The following GVQW3 variants were observed in gnomAD, a reference collection of about 807,000 sequenced individuals.
The protein encoded by GVQW3 is protein GVQW3.
A neutral mutation model predicts 12.5 loss-of-function variants in GVQW3; 7 were observed. That is an observed-to-expected ratio of 0.56 (90% confidence interval 0.32 to 1.05). The LOEUF is 1.05. GVQW3 is among the 50% of genes least tolerant of loss of function. The pLI, the probability that GVQW3 is intolerant of heterozygous loss-of-function variation, is 0.04. For missense variants in GVQW3, 188 were observed against 190.8 expected (o/e 0.99, Z 0.09); for synonymous variants, 71 against 67.2 (o/e 1.06, Z -0.28).
intron 1 of GVQW3, among the ~76,000 whole-genome samples, chr11:76,385,102 T>G (rs1322699062): frequency 6.6e-6 from 1 of 151,958 alleles, no homozygotes; most frequent in Non-Finnish European, 1.5e-5. Flanking sequence ...CATGGTGGAG[T>G]GTAGAGTACC....
rs761524235 is a variant in GVQW3 at position 76,399,108 on chromosome 11, G to GTATTT, written c.466-4536_466-4532dup. Among the ~76,000 whole-genome samples the GTATTT allele has an allele frequency of 8.4e-3, 1,280 of 152,108 alleles. 26 individuals are homozygous for GTATTT. The highest frequency in any genetic ancestry group is 0.029 in the African/African-American group (1,213 of 41,440). On this transcript the variant is annotated intron_variant, in intron 1 of 1. Transcript: ENST00000529331. The stretch of plus-strand genomic sequence containing the variant: ...ACTAGTCATGTAATTGTATTGTATT[G>GTATTT]TATTTTATTTTATTTTATTTCATTT...
chr11:76,408,853 G>A (rs773798146), downstream of GVQW3, among the ~76,000 whole-genome samples: 1 of 152,118 alleles, frequency 6.6e-6, no homozygotes, highest in Non-Finnish European at 1.5e-5. Context: ...GATCAGGAAG[G>A]GTGACAAGAG....
At chr11:76,391,486 G>T (rs777775382) in intron 1 of GVQW3, among the ~76,000 whole-genome samples, 10 of 152,224 alleles carry the variant, frequency 6.6e-5, no homozygotes, top group African/African-American at 7.2e-5. Flanking sequence ...GGAGACCAGG[G>T]CATTGACAGA....
At position 76,405,973 on chromosome 11, in the gene GVQW3, T is replaced by C. The variant is rs947252411; in HGVS notation, c.*2215T>C. The stretch of plus-strand genomic sequence containing the variant: ...CACCATGCCTGGCCTGGAGATCAGT[T>C]CTTTTTTACTTTTTTTTGAGACAGG... On this transcript the variant is annotated 3_prime_UTR_variant, in exon 2 of 2. Coordinates refer to ENST00000529331, the MANE Select transcript of GVQW3 (RefSeq NM_001347885.2). 6 of 152,040 alleles carry C rather than the reference T, an allele frequency of 3.9e-5. No individual in the cohort carries two copies. The highest frequency in any genetic ancestry group is 7.3e-5 in the Non-Finnish European group (5 of 68,064). 9.4% of individuals were successfully genotyped at this position (152,040 alleles called of 1,614,324 possible). A position where few individuals can be genotyped will look rare whatever the true frequency, so the allele number is the denominator to read the frequency against.
In GVQW3 at chr11:76,407,344, C is replaced by A. The variant is rs988944240; in HGVS notation, c.*3586C>A. On this transcript the variant is annotated 3_prime_UTR_variant, in exon 2 of 2. Transcript: ENST00000529331. ...CCTGTAATCCCAATACTTTGGGAGGCCGAGGTGGGCAGATCACAAGTCAGG... is the reference window on the plus strand; with the variant it reads ...CCTGTAATCCCAATACTTTGGGAGGACGAGGTGGGCAGATCACAAGTCAGG... 8.6e-5 allele frequency: 13 copies of A among 152,026 alleles called. No homozygotes were observed. Among genetic ancestry groups the A allele is most frequent in the African/African-American group, 3.1e-4 (13 of 41,402 alleles). The allele number at this position is 152,026 out of a possible 1,614,324, so 9.4% of individuals were successfully genotyped here.
intron 1 of GVQW3, among the ~76,000 whole-genome samples, chr11:76,386,139 G>T (rs1329655051): frequency 1.3e-5 from 2 of 152,188 alleles, no homozygotes; most frequent in Non-Finnish European, 2.9e-5. Context: ...AGTCCACATG[G>T]AATGTTTTAT....
chr11:76,402,552 CA>C lies in GVQW3; in HGVS notation c.466-1094del, dbSNP rs201157273. Among the ~76,000 whole-genome samples, 496 of 127,718 alleles carry C rather than the reference CA, an allele frequency of 3.9e-3. 1 individual carries two copies. Among genetic ancestry groups the C allele is most frequent in the East Asian group, 0.015 (64 of 4,402 alleles). The allele number at this position is 127,718 out of a possible 152,430, so 83.8% of individuals were successfully genotyped here. A position where few individuals can be genotyped will look rare whatever the true frequency, so the allele number is the denominator to read the frequency against. On this transcript the variant is annotated intron_variant, in intron 1 of 1. Coordinates refer to ENST00000529331, the MANE Select transcript of GVQW3 (RefSeq NM_001347885.2). ...TGGATGACAGAGCGAGACTCTGTCT[CA>C]AAAAAAAAAAAAAGATTTGCATTAT...
intron 1 of GVQW3, chr11:76,382,754 T>C: frequency 3.6e-6 from 1 of 280,246 alleles, no homozygotes. Flanking sequence ...TCCTTTGTTC[T>C]CAACCTTCTG....
chr11:76,381,363 T>C lies in GVQW3; in HGVS notation c.-466T>C, dbSNP rs3814712. On this transcript the variant is annotated 5_prime_UTR_variant, in exon 1 of 2. Coordinates refer to ENST00000529331, the MANE Select transcript of GVQW3 (RefSeq NM_001347885.2). ...CCGGGACGCTAGAGCAGGCGGTTCC[T>C]GGGCTGCTCCGGTAGGTTTGGCGTG... The C allele has an allele frequency of 0.072, 11,168 of 154,952 alleles. 652 individuals carry two copies. Among genetic ancestry groups the C allele is most frequent in the African/African-American group, 0.15 (6,401 of 41,628 alleles). The allele number at this position is 154,952 out of a possible 1,614,324, so 9.6% of individuals were successfully genotyped here.
chr11:76,411,235 C>T (rs1165146791), downstream of GVQW3: 1 of 152,388 alleles, frequency 6.6e-6, no homozygotes, highest in African/African-American at 2.4e-5. Context: ...CTGGAGGAGG[C>T]TCAGTTTCCA....
rs1390269184 is a variant in GVQW3, at chr11:76,405,592, A to C, written c.*1834A>C. On this transcript the variant is annotated 3_prime_UTR_variant, in exon 2 of 2. Transcript: ENST00000529331. ...TCTTTCCATTGCCATGCTATGTTCC[A>C]CCCTCCCCTTCAACTGCCCCTCTAA... The C allele has an allele frequency of 6.6e-6, 1 of 152,024 alleles. No individual in the cohort carries two copies. Among genetic ancestry groups the C allele is most frequent in the African/African-American group, 2.4e-5 (1 of 41,300 alleles). The allele number at this position is 152,024 out of a possible 1,614,324, so 9.4% of individuals were successfully genotyped here. A position where few individuals can be genotyped will look rare whatever the true frequency, so the allele number is the denominator to read the frequency against.
rs1947052006 is a variant in GVQW3, at chr11:76,407,508, TG to T, written c.*3752del. 7.7e-6 allele frequency: 1 copy of T among 130,184 alleles called. No homozygotes were observed. The highest frequency in any genetic ancestry group is 1.6e-5 in the Non-Finnish European group (1 of 64,440). 8.1% of individuals were successfully genotyped at this position (130,184 alleles called of 1,614,324 possible). ...AGGAGCATCGCTTGAACCTGGGAGG[TG>T]GAGGTTGCAGTGAGCTGAGATCGCA... On this transcript the variant is annotated 3_prime_UTR_variant, in exon 2 of 2. Coordinates refer to ENST00000529331, the MANE Select transcript of GVQW3 (RefSeq NM_001347885.2).
At chr11:76,396,603 C>G (rs1224713514) in intron 1 of GVQW3, among the ~76,000 whole-genome samples, 4 of 152,166 alleles carry the variant, frequency 2.6e-5, no homozygotes, top group Non-Finnish European at 5.9e-5. Context: ...GCATGAGCCA[C>G]CATGCCTGGG....
chr11:76,396,552 C>A (rs1427113454), intron 1 of GVQW3, among the ~76,000 whole-genome samples: 6 of 152,124 alleles, frequency 3.9e-5, no homozygotes, highest in African/African-American at 1.4e-4. Flanking sequence ...TGGGGCCAAG[C>A]AGTCATCCCA....
intron 1 of GVQW3, among the ~76,000 whole-genome samples, chr11:76,384,675 G>C (rs924663411): frequency 6.6e-6 from 1 of 152,158 alleles, no homozygotes; most frequent in Non-Finnish European, 1.5e-5. Context: ...CCCACAAAGA[G>C]AAGATACTGT....
At chr11:76,384,302 T>A (rs920816796) in intron 1 of GVQW3, among the ~76,000 whole-genome samples, 1 of 152,198 alleles carries the variant, frequency 6.6e-6, no homozygotes, top group Non-Finnish European at 1.5e-5. Context: ...AAATTACAAG[T>A]TCCTCATTAA....
intron 1 of GVQW3, among the ~76,000 whole-genome samples, chr11:76,397,902 A>G (rs1411778255): frequency 6.6e-6 from 1 of 152,162 alleles, no homozygotes; most frequent in Admixed American, 6.5e-5. Flanking sequence ...TGGGAGGCTG[A>G]GGCGGGTGGA....
downstream of GVQW3, among the ~76,000 whole-genome samples, chr11:76,408,301 T>C (rs569260878): frequency 3.6e-4 from 54 of 152,060 alleles, no homozygotes; most frequent in Non-Finnish European, 6.6e-4. Context: ...GAGTTGAAGG[T>C]TAGTGAAAAG....
At chr11:76,382,534 T>A (rs1407308103) in intron 1 of GVQW3, 1 of 605,960 alleles carries the variant, frequency 1.7e-6, no homozygotes, top group Non-Finnish European at 2.9e-6. Context: ...GCTGCTCACG[T>A]ATTTTTCAGT....
Sources: gnomAD v4.1 joint callset for allele counts (sites outside exome capture counted in the v4.1 genomes callset) on GRCh38, gnomAD v4.1.1 for gene constraint, MANE v1.5 for transcripts, NCBI Gene and HGNC (gene_info 2026-07-23, HGNC 2026-07-21) for gene names.